The following CLUH variants were observed in gnomAD, a reference collection of about 807,000 sequenced individuals.
CLUH encodes the protein CLUH binding protein of NUMT mRNA.
CLUH carries 77 observed loss-of-function variants against 139.3 expected under a neutral mutation model. That is an observed-to-expected ratio of 0.55 (90% CI 0.46 to 0.67). CLUH has a LOEUF of 0.67. CLUH is among the 30% of genes least tolerant of loss of function. The probability of loss-of-function intolerance (pLI) is 0.00; values close to 1 mark genes in which losing one functional copy is unlikely to be tolerated. For synonymous variants in CLUH, 999 were observed against 801.6 expected, an observed-to-expected ratio of 1.25 and a Z score of -4.16; for missense variants, 1,876 against 1,875.8, an observed-to-expected ratio of 1.00 and a Z score of 0.00.
chr17:2,708,894 C>T (rs2070430640), intron 1 of CLUH, among the ~76,000 whole-genome samples: 1 of 151,164 alleles, frequency 6.6e-6, no homozygotes, highest in Non-Finnish European at 1.5e-5. Flanking sequence ...CCAGTCACAG[C>T]ACTCCCCAAG....
Position 2,691,907 on chromosome 17 carries a change from C to G in CLUH, c.3655-12G>C. The G allele has an allele frequency of 2.0e-6, 3 of 1,507,976 alleles. No homozygotes were observed. Among genetic ancestry groups the G allele is most frequent in the Non-Finnish European group, 2.7e-6 (3 of 1,130,954 alleles). The allele number at this position is 1,507,976 out of a possible 1,614,324, so 93.4% of individuals were successfully genotyped here. Reference sequence around the variant, plus strand: ...TGGTCCTCGCCCAGCTGCGGGGAGGCGGGAAGGGATCAGGCCCCCCCGTGC... The same window carrying G: ...TGGTCCTCGCCCAGCTGCGGGGAGGGGGGAAGGGATCAGGCCCCCCCGTGC... On this transcript the variant is annotated splice_polypyrimidine_tract_variant and intron_variant, in intron 23 of 25. Coordinates refer to ENST00000651024, the MANE Select transcript of CLUH (RefSeq NM_001366661.1).
intron 13 of CLUH, chr17:2,695,880 A>C: frequency 3.4e-6 from 2 of 581,710 alleles, no homozygotes; most frequent in South Asian, 4.3e-5. Context: ...GAGGATGGGC[A>C]GCCCCCACTG....
In CLUH at chr17:2,692,667, G is replaced by A. The variant is rs1567577957; in HGVS notation, c.3342C>T (p.Ser1114=). ...YMHLALYCFA[S]SQLSTALSLL... ...GGCTCAGGGCGGTGGACAGCTGGCTGCTGGCGAAGCAGTACAGGGCCAGGT... is the reference window on the plus strand; with the variant it reads ...GGCTCAGGGCGGTGGACAGCTGGCTACTGGCGAAGCAGTACAGGGCCAGGT... Residue 1114 remains serine, a synonymous_variant, in exon 21 of 26, where the codon AGC becomes AGT. Transcript: ENST00000651024. 1 of 1,612,370 alleles carries A rather than the reference G, an allele frequency of 6.2e-7. No homozygotes were observed. The highest frequency in any genetic ancestry group is 1.3e-5 in the African/African-American group (1 of 75,016).
At chr17:2,691,939 G>GGCCCC (rs1567575471) in intron 23 of CLUH, 44 bp from the exon 24 acceptor site, 7 of 1,061,484 alleles carry the variant, frequency 6.6e-6, no homozygotes, top group African/African-American at 6.6e-5. Flanking sequence ...GTGCCCCCGC[G>GGCCCC]GCCCCGCCCC....
At position 2,691,897 on chromosome 17, in the gene CLUH, T is replaced by TGCGGGGAG; in HGVS notation, c.3655-10_3655-3dup. 6.5e-7 allele frequency: 1 copy of TGCGGGGAG among 1,529,760 alleles called. No homozygotes were observed. The highest frequency in any genetic ancestry group is 8.8e-7 in the Non-Finnish European group (1 of 1,140,848). The allele number at this position is 1,529,760 out of a possible 1,614,324, so 94.8% of individuals were successfully genotyped here. ...GGTCTTCTCATGGTCCTCGCCCAGC[T>TGCGGGGAG]GCGGGGAGGCGGGAAGGGATCAGGC... On this transcript the variant is annotated splice_polypyrimidine_tract_variant and splice_region_variant and intron_variant, in intron 23 of 25. Coordinates refer to ENST00000651024, the MANE Select transcript of CLUH (RefSeq NM_001366661.1).
Position 2,697,943 on chromosome 17 carries a change from C to A in CLUH, c.1914G>T (p.Lys638Asn), listed in dbSNP as rs867137301. The change falls in exon 10 of 26, where the codon AAG becomes AAT. Residue 638 changes from lysine (K) to asparagine (N), a missense_variant. Lys to Asn is a moderately conservative substitution (Grantham distance 94). This residue lies in a region of CLUH where 1,454 missense variants were observed against 1,384.4 expected (regional missense o/e 1.05). Transcript: ENST00000651024. ...RAGFPRAHRH[K>N]LCCLRQELVD... ...CCAGCTCCTGGCGCAGGCAGCAGAG[C>A]TTGTGCCGGTGGGCGCGGGGGAAGC... 1.3e-6 allele frequency: 2 copies of A among 1,554,482 alleles called. 1 individual carries two copies. Among genetic ancestry groups the A allele is most frequent in the South Asian group, 2.4e-5 (2 of 84,942 alleles).
intron 3 of CLUH, among the ~76,000 whole-genome samples, chr17:2,702,591 A>C (rs2070224675): frequency 1.3e-5 from 2 of 152,158 alleles, no homozygotes; most frequent in Non-Finnish European, 2.9e-5. Context: ...CTTTTCCGTC[A>C]CTGCTCTCAA....
intron 9 of CLUH, among the ~76,000 whole-genome samples, chr17:2,698,996 G>A (rs987078202): frequency 7.9e-5 from 12 of 152,054 alleles, no homozygotes; most frequent in Admixed American, 5.9e-4. Context: ...ACAGTGAGCC[G>A]AAATCACACC....
Position 2,695,525 on chromosome 17 carries a change from A to C in CLUH, c.2393T>G (p.Val798Gly). The C allele has an allele frequency of 6.3e-7, 1 of 1,597,480 alleles. No individual in the cohort carries two copies. Among genetic ancestry groups the C allele is most frequent in the Non-Finnish European group, 8.5e-7 (1 of 1,177,022 alleles). Residue 798 changes from valine (V) to glycine (G), a missense_variant and splice_region_variant, in exon 14 of 26, where the codon GTG becomes GGG. Coordinates refer to ENST00000651024, the MANE Select transcript of CLUH (RefSeq NM_001366661.1). ...FLLSCQIPGL[V>G]KDCMEHAVLP... ...GACCGCGTGCTCCATGCAGTCCTTC[A>C]CCTGCGGGCTGCAGCAGCTCAGGCC...
In CLUH at chr17:2,692,103, G is replaced by A. The variant is rs768571036; in HGVS notation, c.3561-6C>T. On this transcript the variant is annotated splice_polypyrimidine_tract_variant and splice_region_variant and intron_variant, in intron 22 of 25. Coordinates refer to ENST00000651024, the MANE Select transcript of CLUH (RefSeq NM_001366661.1). ...CTCGGGCGACAAGGTGGTGGCTGCC[G>A]GGAGGCGCGGCGCGGGGCGAGGGAA... 46 of 1,597,150 alleles carry A rather than the reference G, an allele frequency of 2.9e-5. 1 individual carries two copies. In the Admixed American group the frequency reaches 5.9e-4, roughly 20 times the overall value.
At position 2,692,036 on chromosome 17, in the gene CLUH, C is replaced by CCTTCCG; in HGVS notation, c.3621_3622insCGGAAG (p.His1207_Glu1208insArgLys). The CCTTCCG allele has an allele frequency of 6.3e-7, 1 of 1,593,452 alleles. No individual in the cohort carries two copies. The highest frequency in any genetic ancestry group is 8.5e-7 in the Non-Finnish European group (1 of 1,169,824). On this transcript the variant is annotated inframe_insertion, in exon 23 of 26. Transcript: ENST00000651024. Reference sequence around the variant, plus strand: ...TTGTAGATGGTGTAACCCTCCTTCTCGTGCTGCAGGGCCGACCGGAACTCA... The same window carrying CCTTCCG: ...TTGTAGATGGTGTAACCCTCCTTCTCCTTCCGGTGCTGCAGGGCCGACCGGAACTCA...
chr17:2,704,532 A>G lies in CLUH; in HGVS notation c.133T>C (p.Cys45Arg). The G allele has an allele frequency of 6.3e-7, 1 of 1,577,112 alleles. No homozygotes were observed. ...LPSVMLLNGD[C>R]PESLKKEAAA... ...GCCTCCTTCTTCAGGCTCTCTGGGC[A>G]GTCCCCGTTTAAGAGCATGACTGAT... Residue 45 changes from cysteine (C) to arginine (R), a missense_variant, in exon 2 of 26, where the codon TGC (cysteine) becomes CGC (arginine). By Grantham distance (180) the Cys-to-Arg change is radical. This residue lies in a region of CLUH where 152 missense variants were observed against 136.7 expected (regional missense o/e 1.11). Transcript: ENST00000651024. The surrounding 1 kb of genome is among the most constrained non-coding windows in gnomAD (Gnocchi z 5.7).
chr17:2,700,087 G>T (rs947970015), intron 9 of CLUH, among the ~76,000 whole-genome samples: 14 of 152,250 alleles, frequency 9.2e-5, no homozygotes, highest in African/African-American at 2.7e-4. Flanking sequence ...CAAAAGCCCC[G>T]CAGCAGTCAC....
Position 2,695,365 on chromosome 17 carries a change from A to T in CLUH, c.2544+9T>A. 2 of 1,612,974 alleles carry T rather than the reference A, an allele frequency of 1.2e-6. No individual in the cohort carries two copies. Among genetic ancestry groups the T allele is most frequent in the Non-Finnish European group, 1.7e-6 (2 of 1,179,678 alleles). Reference sequence around the variant, plus strand: ...GCTCCCGTTCCGCCCCACCCCGGGCAGCACTCACAAAGACGTGGTCCAGCT... The same window carrying T: ...GCTCCCGTTCCGCCCCACCCCGGGCTGCACTCACAAAGACGTGGTCCAGCT... On this transcript the variant is annotated intron_variant, in intron 14 of 25. Coordinates refer to ENST00000651024, the MANE Select transcript of CLUH (RefSeq NM_001366661.1).
chr17:2,708,555 A>G (rs2070416216), intron 1 of CLUH, among the ~76,000 whole-genome samples: 1 of 152,132 alleles, frequency 6.6e-6, no homozygotes, highest in African/African-American at 2.4e-5. Context: ...TCACAGAGGC[A>G]AGAGGAGCCA....
chr17:2,693,070 C>T (rs2069775910), intron 19 of CLUH, among the ~76,000 whole-genome samples: 2 of 141,878 alleles, frequency 1.4e-5, no homozygotes, highest in South Asian at 4.5e-4. Flanking sequence ...GAGCTCCACA[C>T]ACCCATGTCT....
At chr17:2,694,758 TGGCCTATGACCACA>T (rs1389974640) in intron 16 of CLUH, 85 bp downstream of exon 16, 5 of 1,418,042 alleles carry the variant, frequency 3.5e-6, no homozygotes, top group Non-Finnish European at 4.7e-6. Context: ...TCTGACTCCC[TGGCCTATGACCACA>T]GGCCTTAGAC....
chr17:2,700,023 AT>A (rs2070116731), intron 9 of CLUH, among the ~76,000 whole-genome samples: 1 of 152,194 alleles, frequency 6.6e-6, no homozygotes. Flanking sequence ...TAAAAGTGTT[AT>A]GCAAATGAGC....
intron 7 of CLUH, 80 bp from the exon 8 acceptor site, chr17:2,700,905 C>T (rs971987064): frequency 1.2e-4 from 174 of 1,471,856 alleles, no homozygotes; most frequent in Admixed American, 2.0e-4. Flanking sequence ...CTGAGGCCCC[C>T]GCCTGCTCCG....
Sources: gnomAD v4.1 joint callset for allele counts (sites outside exome capture counted in the v4.1 genomes callset) on GRCh38, gnomAD v4.1.1 for gene constraint, gnomAD v4.1.1 regional missense constraint, Gnocchi (gnomAD v3.1) non-coding constraint, MANE v1.5 for transcripts, NCBI Gene and HGNC (gene_info 2026-07-23, HGNC 2026-07-21) for gene names.